The following RHOBTB1 variants were observed in gnomAD, a reference collection of about 807,000 sequenced individuals.
The protein encoded by RHOBTB1 is Rho related BTB domain containing 1.
RHOBTB1 carries 40 observed loss-of-function variants against 71.6 expected under a neutral mutation model. The ratio of observed to expected loss-of-function variants is 0.56; its 90% CI spans 0.43 to 0.73. The LOEUF is 0.73. Ranked by LOEUF, RHOBTB1 falls within the 30% of genes least tolerant of loss-of-function variation. The pLI is 0.00. For missense variants in RHOBTB1, 797 were observed against 894.0 expected (o/e 0.89, Z 1.38); for synonymous variants, 319 against 334.9 (o/e 0.95, Z 0.52).
intron 2 of RHOBTB1, among the ~76,000 whole-genome samples, chr10:60,938,231 A>G (rs537644085): frequency 6.6e-6 from 1 of 152,198 alleles, no homozygotes; most frequent in Non-Finnish European, 1.5e-5. Context: ...TCTTATCAGC[A>G]TTTCTGGATG....
chr10:60,862,777 CCT>C, the RHOBTB1 span, among the ~76,000 whole-genome samples: 3 of 144,568 alleles, frequency 2.1e-5, no homozygotes, highest in East Asian at 4.1e-4. Context: ...TTCCTCTTTT[CCT>C]CTTTCTTTCT....
At chr10:60,979,941 A>G (rs2086437826) in intron 2 of RHOBTB1, among the ~76,000 whole-genome samples, 2 of 152,162 alleles carry the variant, frequency 1.3e-5, no homozygotes, top group African/African-American at 4.8e-5. Context: ...GAAACACACT[A>G]TATGTTCTGG....
chr10:60,871,600 T>C lies in RHOBTB1; in HGVS notation c.1973A>G (p.Lys658Arg). 6.2e-7 allele frequency: 1 copy of C among 1,614,176 alleles called. No individual in the cohort carries two copies. The highest frequency in any genetic ancestry group is 8.5e-7 in the Non-Finnish European group (1 of 1,179,996). The change falls in exon 11 of 11, where the codon AAG becomes AGG. Residue 658 changes from lysine to arginine, a missense_variant. Coordinates refer to ENST00000337910, the MANE Select transcript of RHOBTB1 (RefSeq NM_014836.5). Reference sequence around the variant, plus strand: ...CACACGCTGGTAGTGATCTTCTTCCTTCAGGTACCACACAGGGGGCCAGCG... The same window carrying C: ...CACACGCTGGTAGTGATCTTCTTCCCTCAGGTACCACACAGGGGGCCAGCG... Reference protein sequence around the residue: ...RHRWPPVWYLKEEDHYQRVKR... With the variant: ...RHRWPPVWYLREEDHYQRVKR...
chr10:61,001,400 T>TG (rs1042705847), exon 1 of RHOBTB1: 4 of 150,920 alleles, frequency 2.7e-5, no homozygotes, highest in African/African-American at 7.3e-5. Context: ...CCGCGCTACC[T>TG]GGGGACGCTG....
intron 1 of RHOBTB1, among the ~76,000 whole-genome samples, chr10:60,992,884 C>G (rs923884229): frequency 3.3e-5 from 5 of 152,114 alleles, no homozygotes; most frequent in Non-Finnish European, 7.4e-5. Context: ...GAGAATGCCA[C>G]AAATCCACAT....
chr10:60,916,244 A>G (rs1319184499), intron 2 of RHOBTB1, among the ~76,000 whole-genome samples: 1 of 152,198 alleles, frequency 6.6e-6, no homozygotes. Context: ...CAAATCCGCC[A>G]TGTGAGGAAA....
intron 1 of RHOBTB1, among the ~76,000 whole-genome samples, chr10:60,986,431 A>ATATATG (rs1554860002): frequency 7.4e-6 from 1 of 134,618 alleles, no homozygotes; most frequent in Non-Finnish European, 1.6e-5. Context: ...ATATATATAT[A>ATATATG]AAATATATAT....
upstream of RHOBTB1, among the ~76,000 whole-genome samples, chr10:60,945,907 G>A (rs560274890): frequency 8.5e-5 from 13 of 152,204 alleles, 1 homozygote; most frequent in South Asian, 2.5e-3. Context: ...CGGCCCAGGC[G>A]GGTGGCTCAC....
intron 9 of RHOBTB1, 35 bp from the exon 10 acceptor site, chr10:60,872,325 T>G (rs993885254): frequency 1.7e-5 from 25 of 1,484,170 alleles, no homozygotes; most frequent in Non-Finnish European, 2.3e-5. Flanking sequence ...GGTAAGACTA[T>G]TTTCTAAAGA....
chr10:60,918,036 A>C (rs914586062), intron 2 of RHOBTB1, among the ~76,000 whole-genome samples: 3 of 152,200 alleles, frequency 2.0e-5, no homozygotes, highest in Non-Finnish European at 4.4e-5. Flanking sequence ...GTAGCTTGTG[A>C]ATCTGTGTGC....
chr10:60,914,041 G>C (rs2083138119), intron 2 of RHOBTB1, among the ~76,000 whole-genome samples: 1 of 152,098 alleles, frequency 6.6e-6, no homozygotes, highest in Non-Finnish European at 1.5e-5. Context: ...GCCAGAATTA[G>C]ATGCAAACTC....
chr10:60,960,700 G>T lies in RHOBTB1; in HGVS notation c.-61-18846C>A, dbSNP rs185200653. On this transcript the variant is annotated intron_variant, in intron 2 of 11. Transcript: ENST00000357917. ...ATCCAAGTCGTAAAGAACTTGAAATGATTACAATTAGATTGCATTTTCTGT... is the reference window on the plus strand; with the variant it reads ...ATCCAAGTCGTAAAGAACTTGAAATTATTACAATTAGATTGCATTTTCTGT... 2.0e-5 allele frequency among the ~76,000 whole-genome samples: 3 copies of T among 152,328 alleles called. No individual in the cohort carries two copies. In the East Asian group the frequency reaches 5.8e-4, roughly 29 times the overall value.
At chr10:60,942,857 G>A (rs1314788722) in intron 1 of RHOBTB1, among the ~76,000 whole-genome samples, 1 of 102,232 alleles carries the variant, frequency 9.8e-6, no homozygotes, top group Non-Finnish European at 1.8e-5. Flanking sequence ...ACCGATAACG[G>A]TATTTTTTTT....
intron 7 of RHOBTB1, among the ~76,000 whole-genome samples, chr10:60,884,923 T>A (rs1475158318): frequency 2.0e-5 from 3 of 151,822 alleles, no homozygotes; most frequent in Non-Finnish European, 2.9e-5. Flanking sequence ...ATTTTTTTTG[T>A]CCTTTTTTTT....
chr10:60,871,632 C>T lies in RHOBTB1; in HGVS notation c.1941G>A (p.Glu647=). The change falls in exon 11 of 11, where the codon GAG becomes GAA. Residue 647 remains glutamate (E), a synonymous_variant. Transcript: ENST00000337910. The stretch of plus-strand genomic sequence containing the variant: ...ACCACACAGGGGGCCAGCGGTGCCG[C>T]TCGAAGTATTCCTGGTTGTCTGGTG... ...SKSADNQEYF[E]RHRWPPVWYL... The T allele has an allele frequency of 1.2e-6, 2 of 1,613,942 alleles. No individual in the cohort carries two copies.
intron 2 of RHOBTB1, among the ~76,000 whole-genome samples, chr10:60,957,851 T>C (rs1248987566): frequency 6.6e-6 from 1 of 152,160 alleles, no homozygotes; most frequent in African/African-American, 2.4e-5. Flanking sequence ...ACAGGAAAGC[T>C]GAGGTATGGG....
rs142676215 is a variant in RHOBTB1, at chr10:60,997,705, T to C, written c.-163+3694A>G. On this transcript the variant is annotated intron_variant, in intron 1 of 11. Coordinates refer to the RHOBTB1 transcript ENST00000357917. ...AGTATTAAAAGGCTGCTTGATGGAT[T>C]ATTAAAATAGTAAATGTGTCACCGA... Among the ~76,000 whole-genome samples the C allele has an allele frequency of 1.6e-4, 24 of 152,342 alleles. No homozygotes were observed. In the East Asian group the frequency reaches 4.6e-3, roughly 29 times the overall value.
At chr10:60,962,745 T>C (rs1411029953) in intron 2 of RHOBTB1, among the ~76,000 whole-genome samples, 3 of 152,172 alleles carry the variant, frequency 2.0e-5, no homozygotes, top group African/African-American at 7.2e-5. Flanking sequence ...TTTGGGGAAG[T>C]AGAAATAGTT....
chr10:60,871,382 T>C lies in RHOBTB1; in HGVS notation c.*100A>G, dbSNP rs965559556. ...AGATCAGTGCCCGAAACCTGAACTA[T>C]GTCGTATCTCTAACAAGACGAATTT... On this transcript the variant is annotated 3_prime_UTR_variant, in exon 11 of 11. Transcript: ENST00000337910. The C allele has an allele frequency of 1.6e-6, 2 of 1,212,918 alleles. No homozygotes were observed. Among genetic ancestry groups the C allele is most frequent in the Non-Finnish European group, 2.3e-6 (2 of 859,178 alleles). The allele number at this position is 1,212,918 out of a possible 1,614,324, so 75.1% of individuals were successfully genotyped here.
Sources: gnomAD v4.1 joint callset for allele counts (sites outside exome capture counted in the v4.1 genomes callset) on GRCh38, gnomAD v4.1.1 for gene constraint, MANE v1.5 for transcripts, NCBI Gene and HGNC (gene_info 2026-07-23, HGNC 2026-07-21) for gene names.